PAPPA: variants seen among roughly 807,000 people sequenced by gnomAD.
The protein encoded by PAPPA is pappalysin-1.
Under a neutral mutation model 164.0 loss-of-function variants are expected in PAPPA, and 60 were observed. The ratio of observed to expected loss-of-function variants is 0.37; its 90% CI spans 0.30 to 0.45. The LOEUF (loss-of-function observed/expected upper bound fraction) is 0.45, where lower values mean the gene tolerates loss of function less well. PAPPA is among the 20% of genes least tolerant of loss of function. The pLI is 1.00. For missense variants in PAPPA, 1,782 were observed against 2,087.3 expected (o/e 0.85, Z 2.85); for synonymous variants, 875 against 814.1 (o/e 1.07, Z -1.27).
chr9:116,375,206 G>A (rs970152579), intron 19 of PAPPA, among the ~76,000 whole-genome samples: 2 of 152,222 alleles, frequency 1.3e-5, no homozygotes, highest in Non-Finnish European at 2.9e-5. Flanking sequence ...AACCACATCT[G>A]TCCCATATCA....
chr9:116,187,502 A>G lies in PAPPA; in HGVS notation c.764A>G (p.His255Arg). The change falls in exon 2 of 22, where the codon CAC (histidine) becomes CGC (arginine). Residue 255 changes from histidine to arginine, a missense_variant. By Grantham distance (29) the His-to-Arg change is conservative. Transcript: ENST00000328252. This position sits in a 1 kb window ranked among gnomAD's most constrained non-coding sequence, Gnocchi z 4.2. Reference protein sequence around the residue: ...LNHNYRGYIEHFSLWKVARTQ... With the variant: ...LNHNYRGYIERFSLWKVARTQ... ...CACAACTACCGGGGCTACATCGAGCACTTCAGTCTGTGGAAGGTGGCCAGG... is the reference window on the plus strand; with the variant it reads ...CACAACTACCGGGGCTACATCGAGCGCTTCAGTCTGTGGAAGGTGGCCAGG... 1 of 1,614,166 alleles carries G rather than the reference A, an allele frequency of 6.2e-7. No individual in the cohort carries two copies. The highest frequency in any genetic ancestry group is 2.2e-5 in the East Asian group (1 of 44,856).
chr9:116,385,394 C>T (rs1846795824), intron 21 of PAPPA, among the ~76,000 whole-genome samples: 1 of 152,118 alleles, frequency 6.6e-6, no homozygotes, highest in South Asian at 2.1e-4. Flanking sequence ...GATCCACCCA[C>T]CTCAGCCTCC....
intron 3 of PAPPA, 118 bp from the exon 4 acceptor site, chr9:116,211,521 G>C: frequency 1.3e-6 from 1 of 797,822 alleles, no homozygotes; most frequent in Non-Finnish European, 2.1e-6. Flanking sequence ...GGAGTCCTAG[G>C]GTGGAGAAGC....
intron 21 of PAPPA, among the ~76,000 whole-genome samples, chr9:116,388,430 C>T (rs1426416827): frequency 3.3e-5 from 5 of 152,114 alleles, no homozygotes; most frequent in Non-Finnish European, 4.4e-5. Flanking sequence ...GGGAAACAAC[C>T]TTAACATATT....
rs1168027695 is a variant in PAPPA at position 116,396,849 on chromosome 9, A to G, written c.*233A>G. On this transcript the variant is annotated 3_prime_UTR_variant, in exon 22 of 22. Transcript: ENST00000328252. ...CATCCCAAAGTCTGAGATGGATTGC[A>G]TATACAGTGTGCAGTCCCAGAGCCT... 1.1e-5 allele frequency: 6 copies of G among 562,420 alleles called. No individual in the cohort carries two copies. The Admixed American group carries it at 1.2e-4, about 12-fold the overall frequency. The allele number at this position is 562,420 out of a possible 1,614,324, so 34.8% of individuals were successfully genotyped here.
intron 10 of PAPPA, among the ~76,000 whole-genome samples, chr9:116,317,018 A>G (rs1259956666): frequency 6.6e-6 from 1 of 152,168 alleles, no homozygotes; most frequent in Non-Finnish European, 1.5e-5. Flanking sequence ...GGTTCCCTGC[A>G]GGTAATGTGA....
intron 2 of PAPPA, among the ~76,000 whole-genome samples, 190 bp from the exon 3 acceptor site, chr9:116,207,266 G>A (rs377530857): frequency 8.7e-4 from 133 of 152,220 alleles, no homozygotes; most frequent in African/African-American, 3.1e-3. Context: ...TAAAACTCTC[G>A]AGAACTTAAT....
chr9:116,227,733 T>C (rs938375782), intron 6 of PAPPA, among the ~76,000 whole-genome samples, 181 bp downstream of exon 6: 11 of 152,248 alleles, frequency 7.2e-5, no homozygotes, highest in African/African-American at 2.7e-4. Flanking sequence ...TTTGAGCACT[T>C]GCACTATCCT....
chr9:116,197,276 A>G (rs567828844), intron 2 of PAPPA, among the ~76,000 whole-genome samples: 1 of 152,344 alleles, frequency 6.6e-6, no homozygotes, highest in African/African-American at 2.4e-5. Context: ...AAAGGTACAA[A>G]TAAAGCCATG....
chr9:116,332,021 T>C (rs545036708), intron 11 of PAPPA, among the ~76,000 whole-genome samples: 1 of 152,310 alleles, frequency 6.6e-6, no homozygotes, highest in Admixed American at 6.5e-5. Flanking sequence ...ATGATGTACC[T>C]GTTGATTTTT....
chr9:116,250,621 GA>G (rs1196964409), intron 7 of PAPPA, among the ~76,000 whole-genome samples: 1 of 152,192 alleles, frequency 6.6e-6, no homozygotes. Context: ...ATTTTAAGCA[GA>G]GAATTTTGAG....
intron 2 of PAPPA, 62 bp downstream of exon 2, chr9:116,188,278 T>G: frequency 7.9e-7 from 1 of 1,262,804 alleles, no homozygotes; most frequent in Non-Finnish European, 1.1e-6. Context: ...CTCCATATTA[T>G]AGATAAGGCA....
chr9:116,286,297 ACT>A (rs1312927587), intron 9 of PAPPA: 1 of 151,540 alleles, frequency 6.6e-6, no homozygotes, highest in Non-Finnish European at 1.5e-5. Flanking sequence ...ACCCCATAAG[ACT>A]CTCGGATGGC....
At chr9:116,199,816 C>G (rs2118657900) in intron 2 of PAPPA, among the ~76,000 whole-genome samples, 1 of 152,266 alleles carries the variant, frequency 6.6e-6, no homozygotes, top group South Asian at 2.1e-4. Context: ...ACTCAAACTG[C>G]TTCCCCTCAT....
At chr9:116,224,010 G>A (rs1212553594) in intron 5 of PAPPA, among the ~76,000 whole-genome samples, 1 of 152,190 alleles carries the variant, frequency 6.6e-6, no homozygotes. Flanking sequence ...ACATTTTCCA[G>A]AGCTGTTTAG....
chr9:116,211,751 A>G lies in PAPPA; in HGVS notation c.1737A>G (p.Glu579=). The change falls in exon 4 of 22, where the codon GAA becomes GAG. Residue 579 remains glutamate (E), a synonymous_variant. Coordinates refer to ENST00000328252, the MANE Select transcript of PAPPA (RefSeq NM_002581.5). ...ATCACGTCTTCCGAGGCATCTCAGA[A>G]ATCCAGTCCTGCAGTGACCCCTGCA... is the stretch of plus-strand genomic sequence containing the variant. ...GLYHVFRGIS[E]IQSCSDPCME... is the part of the protein sequence containing the mutation. 6.2e-7 allele frequency: 1 copy of G among 1,614,092 alleles called. No homozygotes were observed. The highest frequency in any genetic ancestry group is 8.5e-7 in the Non-Finnish European group (1 of 1,179,998).
chr9:116,210,428 G>A (rs187870807), intron 3 of PAPPA, among the ~76,000 whole-genome samples: 1 of 152,238 alleles, frequency 6.6e-6, no homozygotes, highest in East Asian at 1.9e-4. Context: ...CCCATGTGGG[G>A]CTTGCCAGCT....
intron 17 of PAPPA, among the ~76,000 whole-genome samples, chr9:116,358,462 C>G (rs929374172): frequency 6.6e-6 from 1 of 152,190 alleles, no homozygotes; most frequent in African/African-American, 2.4e-5. Flanking sequence ...TTCATTTAAG[C>G]CCCATGGCAT....
At chr9:116,242,402 A>C (rs982291360) in intron 7 of PAPPA, among the ~76,000 whole-genome samples, 1 of 152,242 alleles carries the variant, frequency 6.6e-6, no homozygotes, top group East Asian at 1.9e-4. Flanking sequence ...AGCATACTGC[A>C]TGTCAGAAGG....
Sources: allele counts gnomAD v4.1 joint callset (sites outside exome capture counted in the v4.1 genomes callset), GRCh38; gene constraint gnomAD v4.1.1; non-coding constraint Gnocchi (gnomAD v3.1); transcripts MANE v1.5; gene names NCBI Gene and HGNC (gene_info 2026-07-23, HGNC 2026-07-21).